PHLDB2: variants seen among roughly 807,000 people sequenced by gnomAD.
PHLDB2 encodes the protein pleckstrin homology-like domain family B member 2.
Under a neutral mutation model 123.6 loss-of-function variants are expected in PHLDB2, and 71 were observed. The ratio of observed to expected loss-of-function variants is 0.57; its 90% CI spans 0.47 to 0.70. The LOEUF (loss-of-function observed/expected upper bound fraction) is 0.70, where lower values mean the gene tolerates loss of function less well. PHLDB2 is among the 30% of genes least tolerant of loss of function. PHLDB2 has a pLI of 0.00. For synonymous variants in PHLDB2, 547 were observed against 541.6 expected, an observed-to-expected ratio of 1.01 and a Z score of -0.14; for missense variants, 1,446 against 1,519.5, an observed-to-expected ratio of 0.95 and a Z score of 0.80.
intron 1 of PHLDB2, among the ~76,000 whole-genome samples, chr3:111,833,724 TAA>T (rs1247170875): frequency 2.0e-5 from 1 of 50,520 alleles, no homozygotes; most frequent in Non-Finnish European, 2.9e-5. Context: ...ATTATATATA[TAA>T]TATATATAAT....
intron 1 of PHLDB2, among the ~76,000 whole-genome samples, chr3:111,836,391 G>T (rs1272967172): frequency 6.6e-6 from 1 of 152,124 alleles, no homozygotes; most frequent in East Asian, 1.9e-4. Context: ...GGAAGGGTAA[G>T]TTTGGAAAGG....
At position 111,919,115 on chromosome 3, in the gene PHLDB2, C is replaced by G. The variant is rs780354539; in HGVS notation, c.1763C>G (p.Ala588Gly). Residue 588 changes from alanine to glycine, a missense_variant, in exon 4 of 18, where the codon GCT becomes GGT. Around this residue, in one of 3 missense-constraint regions of PHLDB2, gnomAD observed 832 missense variants for 831.9 expected, o/e 1.00. Transcript: ENST00000431670. ...ISEEQRSQEL[A>G]AMEETRIVIL... ...GAAGAACAGAGATCTCAGGAGTTGGCTGCAATGGAAGAAACCCGGATAGTC... is the reference window on the plus strand; with the variant it reads ...GAAGAACAGAGATCTCAGGAGTTGGGTGCAATGGAAGAAACCCGGATAGTC... 1 of 1,613,994 alleles carries G rather than the reference C, an allele frequency of 6.2e-7. No homozygotes were observed. The highest frequency in any genetic ancestry group is 8.5e-7 in the Non-Finnish European group (1 of 1,179,872).
chr3:111,774,737 T>A (rs1288790401), intron 1 of PHLDB2, among the ~76,000 whole-genome samples: 1 of 152,174 alleles, frequency 6.6e-6, no homozygotes, highest in African/African-American at 2.4e-5. Flanking sequence ...GGCCCCAAAT[T>A]CGTGGTGTTT....
At chr3:111,818,961 G>C (rs2062230308) in intron 1 of PHLDB2, among the ~76,000 whole-genome samples, 1 of 152,092 alleles carries the variant, frequency 6.6e-6, no homozygotes, top group Non-Finnish European at 1.5e-5. Context: ...GTCATCAATT[G>C]GGTGGCTTAA....
intron 1 of PHLDB2, among the ~76,000 whole-genome samples, chr3:111,874,395 A>G (rs888231847): frequency 6.6e-6 from 1 of 152,192 alleles, no homozygotes; most frequent in Non-Finnish European, 1.5e-5. Context: ...ATGTCTCCCA[A>G]TGCCTAGCTC....
In PHLDB2 at chr3:111,933,972, A is replaced by G. The variant is rs963007338; in HGVS notation, c.2130+1575A>G. On this transcript the variant is annotated intron_variant, in intron 6 of 17. Transcript: ENST00000431670. ...TTTATAGACTCTATTCACAACTTGG[A>G]TTATGATTAACATAAATACTGTTTA... 3.9e-5 allele frequency among the ~76,000 whole-genome samples: 6 copies of G among 152,212 alleles called. No individual in the cohort carries two copies. The East Asian group carries it at 1.2e-3, about 29-fold the overall frequency.
At chr3:111,945,591 G>A (rs1289582467) in intron 9 of PHLDB2, among the ~76,000 whole-genome samples, 1 of 152,122 alleles carries the variant, frequency 6.6e-6, no homozygotes, top group African/African-American at 2.4e-5. Flanking sequence ...GTGTGTTTGT[G>A]TGTGTGTGTC....
intron 1 of PHLDB2, among the ~76,000 whole-genome samples, chr3:111,796,096 AC>A (rs2061148220): frequency 6.6e-6 from 1 of 152,054 alleles, no homozygotes; most frequent in Non-Finnish European, 1.5e-5. Context: ...ACGAGGTTTC[AC>A]CATGTCAGCC....
At chr3:111,794,058 A>G (rs1483813059) in intron 1 of PHLDB2, among the ~76,000 whole-genome samples, 4 of 151,976 alleles carry the variant, frequency 2.6e-5, no homozygotes, top group Admixed American at 6.5e-5. Context: ...ACTGGCAAGT[A>G]CAGCACTGGG....
intron 1 of PHLDB2, among the ~76,000 whole-genome samples, chr3:111,762,504 TTA>T (rs2060012059): frequency 6.6e-6 from 1 of 152,220 alleles, no homozygotes; most frequent in African/African-American, 2.4e-5. Flanking sequence ...CGCTCTGAAG[TTA>T]TGCCTTGTGA....
At chr3:111,851,882 T>C (rs562075843) in intron 2 of PHLDB2, among the ~76,000 whole-genome samples, 1 of 152,006 alleles carries the variant, frequency 6.6e-6, no homozygotes, top group African/African-American at 2.4e-5. Flanking sequence ...ACTCACTCTT[T>C]CCCAAATCTG....
intron 15 of PHLDB2, among the ~76,000 whole-genome samples, 175 bp downstream of exon 15, chr3:111,967,999 A>AAAAAAAAAG (rs61395045): frequency 1.2e-4 from 17 of 145,926 alleles, no homozygotes; most frequent in East Asian, 4.0e-4. Context: ...AAAAAAAAAA[A>AAAAAAAAAG]TGTGAGTTCA....
intron 8 of PHLDB2, among the ~76,000 whole-genome samples, chr3:111,941,199 C>T (rs1039346236): frequency 1.3e-5 from 2 of 152,180 alleles, no homozygotes; most frequent in Non-Finnish European, 1.5e-5. Context: ...TCTTCTGGTC[C>T]AACACCTAAA....
intron 1 of PHLDB2, among the ~76,000 whole-genome samples, chr3:111,755,971 T>A (rs2059881060): frequency 6.6e-6 from 1 of 151,692 alleles, no homozygotes; most frequent in African/African-American, 2.4e-5. Flanking sequence ...TTTGAGTGAG[T>A]TTCTTAATCC....
intron 1 of PHLDB2, among the ~76,000 whole-genome samples, chr3:111,780,752 G>A (rs1185443048): frequency 6.6e-6 from 1 of 152,050 alleles, no homozygotes; most frequent in Non-Finnish European, 1.5e-5. Flanking sequence ...CAGACTTGCA[G>A]CTTTGATGTC....
At chr3:111,855,394 ACTCT>A (rs1289449802), upstream of PHLDB2, among the ~76,000 whole-genome samples, 6 of 148,554 alleles carry the variant, frequency 4.0e-5, no homozygotes, top group South Asian at 6.7e-4. Context: ...AGGTAGAAAG[ACTCT>A]CTCTTTCTTC....
intron 2 of PHLDB2, chr3:111,911,613 G>A (rs1466325423): frequency 2.6e-6 from 4 of 1,535,748 alleles, no homozygotes; most frequent in Non-Finnish European, 3.5e-6. Flanking sequence ...TGGATGGATA[G>A]GGTGCAGAAG....
At position 111,940,608 on chromosome 3, in the gene PHLDB2, T is replaced by C. The variant is rs1245802346; in HGVS notation, c.2360T>C (p.Val787Ala). 6.2e-7 allele frequency: 1 copy of C among 1,605,588 alleles called. No individual in the cohort carries two copies. The highest frequency in any genetic ancestry group is 1.3e-5 in the African/African-American group (1 of 74,606). The change falls in exon 8 of 18, where the codon GTG (valine) becomes GCG (alanine). Residue 787 changes from valine (V) to alanine (A), a missense_variant. Physicochemically the swap from Val to Ala is moderately conservative, Grantham distance 64. Coordinates refer to ENST00000431670, the MANE Select transcript of PHLDB2 (RefSeq NM_001134438.2). ...QQAQREQDHF[V>A]KEKNNLIMML... ...GCTCAGAGAGAGCAAGATCATTTTG[T>C]GAAAGAAAAGAATAATTTAATAATG...
At chr3:111,855,330 T>C (rs2064434102), upstream of PHLDB2, among the ~76,000 whole-genome samples, 1 of 152,118 alleles carries the variant, frequency 6.6e-6, no homozygotes, top group African/African-American at 2.4e-5. Flanking sequence ...CAGGCAGGAC[T>C]CTGGTCTGTG....
Sources: allele counts gnomAD v4.1 joint callset (sites outside exome capture counted in the v4.1 genomes callset), GRCh38; gene constraint gnomAD v4.1.1; regional missense constraint gnomAD v4.1.1; transcripts MANE v1.5; gene names NCBI Gene and HGNC (gene_info 2026-07-23, HGNC 2026-07-21).